Variants in TMPRSS6 observed in about 807,000 individuals in gnomAD.
The protein encoded by TMPRSS6 is transmembrane protease serine 6.
Under a neutral mutation model 101.5 loss-of-function variants are expected in TMPRSS6, and 67 were observed. That is an observed-to-expected ratio of 0.66 (90% CI 0.54 to 0.81). TMPRSS6 has a LOEUF of 0.81. TMPRSS6 is among the 30% of genes least tolerant of loss of function. The pLI, the probability that TMPRSS6 is intolerant of heterozygous loss-of-function variation, is 0.00. For synonymous variants in TMPRSS6, 453 were observed against 464.9 expected (o/e 0.97, Z 0.33); for missense variants, 1,034 against 1,088.7 (o/e 0.95, Z 0.71).
At chr22:37,097,833 C>T (rs1437087436) in intron 3 of TMPRSS6, among the ~76,000 whole-genome samples, 2 of 112,286 alleles carry the variant, frequency 1.8e-5, no homozygotes, top group Non-Finnish European at 3.7e-5. Flanking sequence ...CGTCCTGTAA[C>T]GGAGGGGGAA....
At position 37,084,793 on chromosome 22, in the gene TMPRSS6, G is replaced by GC; in HGVS notation, c.1019dup (p.Val341ArgfsTer35). On this transcript the variant is annotated frameshift_variant, in exon 9 of 18. Coordinates refer to ENST00000676104, the MANE Select transcript of TMPRSS6 (RefSeq NM_001374504.1). LOFTEE classifies it high-confidence loss of function. ...TGGGGAAGTACGGGGTGCTGAGGAC[G>GC]CCCTGGGAGTCGAGCCTGTTGTCCA... is the stretch of plus-strand genomic sequence containing the variant. 2 of 1,564,526 alleles carry GC rather than the reference G, an allele frequency of 1.3e-6. No homozygotes were observed. The highest frequency in any genetic ancestry group is 1.7e-6 in the Non-Finnish European group (2 of 1,153,878).
At position 37,070,952 on chromosome 22, in the gene TMPRSS6, G is replaced by A. The variant is rs78174698; in HGVS notation, c.1636C>T (p.Pro546Ser). The change falls in exon 14 of 18, where the codon CCC becomes TCC. Residue 546 changes from proline (P) to serine (S), a missense_variant. Transcript: ENST00000676104. ...KKPNPQCDGR[P>S]DCRDGSDEEH... is the part of the protein sequence containing the mutation. ...TCATCCGAGCCGTCCCTGCAGTCGG[G>A]CCGCCCATCACACTGCGGGTTGGGC... The A allele has an allele frequency of 5.9e-3, 9,551 of 1,613,282 alleles. 412 individuals are homozygous for A. In the South Asian group the frequency reaches 0.084, roughly 14 times the overall value.
intron 6 of TMPRSS6, among the ~76,000 whole-genome samples, chr22:37,092,019 C>T (rs1929309074): frequency 6.6e-6 from 1 of 152,070 alleles, no homozygotes; most frequent in Non-Finnish European, 1.5e-5. Context: ...ATGGCTGGCT[C>T]TTCCTAGGGT....
At chr22:37,095,854 G>T in intron 5 of TMPRSS6, 52 bp downstream of exon 5, 3 of 1,607,874 alleles carry the variant, frequency 1.9e-6, no homozygotes, top group Non-Finnish European at 2.6e-6. Context: ...ACCACAGCTT[G>T]TTTCCCCCAA....
At chr22:37,071,553 T>C (rs1030297433) in intron 13 of TMPRSS6, among the ~76,000 whole-genome samples, 1 of 152,234 alleles carries the variant, frequency 6.6e-6, no homozygotes, top group Non-Finnish European at 1.5e-5. Context: ...ACCTCCTCCC[T>C]GCCCTCCAAT....
At chr22:37,087,751 A>T (rs1928904378) in intron 7 of TMPRSS6, among the ~76,000 whole-genome samples, 2 of 151,958 alleles carry the variant, frequency 1.3e-5, no homozygotes, top group Non-Finnish European at 2.9e-5. Flanking sequence ...GGGAGATACG[A>T]TATTAGGATG....
Position 37,097,656 on chromosome 22 carries a change from AGTG to A in TMPRSS6, c.336+757_336+759del, listed in dbSNP as rs1470018348. On this transcript the variant is annotated intron_variant, in intron 3 of 17. Transcript: ENST00000676104. Reference sequence around the variant, plus strand: ...CACCATCCTGTAACAGAGGGGCAGGAGTGGCCACCGTCCTGTAACGGAGGGGCA... The same window carrying A: ...CACCATCCTGTAACAGAGGGGCAGGAGCCACCGTCCTGTAACGGAGGGGCA... 1.7e-4 allele frequency among the ~76,000 whole-genome samples: 26 copies of A among 151,310 alleles called. 3 individuals carry two copies. The highest frequency in any genetic ancestry group is 4.2e-4 in the South Asian group (2 of 4,788).
intron 10 of TMPRSS6, among the ~76,000 whole-genome samples, chr22:37,080,934 G>A (rs994028918): frequency 2.0e-5 from 3 of 152,262 alleles, no homozygotes; most frequent in Non-Finnish European, 2.9e-5. Flanking sequence ...GCACGTACAC[G>A]TGCACAGACA....
chr22:37,081,411 C>CT (rs1489825490), intron 10 of TMPRSS6, among the ~76,000 whole-genome samples: 5 of 152,220 alleles, frequency 3.3e-5, no homozygotes, highest in Non-Finnish European at 4.4e-5. Context: ...CACTTAAGCG[C>CT]TTTCCACCTC....
intron 6 of TMPRSS6, 62 bp from the exon 7 acceptor site, chr22:37,089,844 G>A: frequency 1.3e-6 from 2 of 1,541,308 alleles, no homozygotes; most frequent in Non-Finnish European, 1.8e-6. Flanking sequence ...GGACCCTGGG[G>A]AGCCAGGTCC....
At chr22:37,090,122 G>T (rs1007840102) in intron 6 of TMPRSS6, among the ~76,000 whole-genome samples, 2 of 152,230 alleles carry the variant, frequency 1.3e-5, no homozygotes, top group African/African-American at 4.8e-5. Flanking sequence ...GGAGGTGACG[G>T]CTTCAAACCC....
intron 10 of TMPRSS6, chr22:37,082,836 G>C (rs543697197): frequency 5.1e-6 from 2 of 395,350 alleles, no homozygotes; most frequent in African/African-American, 4.2e-5. Flanking sequence ...CATAGCCCTA[G>C]ATCATGCCAT....
rs972621077 is a variant in TMPRSS6 at position 37,069,660 on chromosome 22, C to T, written c.1842-316G>A. Reference sequence around the variant, plus strand: ...ATGTTCTTGAGAGAATCCAATAAGACCGTGTATCTAAAAAATGTAGCACAG... The same window carrying T: ...ATGTTCTTGAGAGAATCCAATAAGATCGTGTATCTAAAAAATGTAGCACAG... On this transcript the variant is annotated intron_variant, in intron 15 of 17. Transcript: ENST00000676104. The surrounding 1 kb of genome is among the most constrained non-coding windows in gnomAD (Gnocchi z 4.8). Among the ~76,000 whole-genome samples, 1 of 152,204 alleles carries T rather than the reference C, an allele frequency of 6.6e-6. No homozygotes were observed. The highest frequency in any genetic ancestry group is 1.5e-5 in the Non-Finnish European group (1 of 68,038).
chr22:37,075,052 GC>G (rs1927497077), intron 11 of TMPRSS6, 82 bp downstream of exon 11: 2 of 1,603,280 alleles, frequency 1.2e-6, no homozygotes, highest in Non-Finnish European at 1.7e-6. Context: ...ATAAGCAGCT[GC>G]CCACAGCCCC....
In TMPRSS6 at chr22:37,109,647, C is replaced by G. The variant is rs1010540707; in HGVS notation, c.-146G>C. The stretch of plus-strand genomic sequence containing the variant: ...CATGACCAGGGTGTCTGGCCCTTGT[C>G]CCCTGTGGCCTGTGGCCTCAGGCTC... On this transcript the variant is annotated 5_prime_UTR_variant, in exon 1 of 18. Coordinates refer to ENST00000676104, the MANE Select transcript of TMPRSS6 (RefSeq NM_001374504.1). 1 of 152,298 alleles carries G rather than the reference C, an allele frequency of 6.6e-6. No individual in the cohort carries two copies. Among genetic ancestry groups the G allele is most frequent in the Admixed American group, 6.5e-5 (1 of 15,288 alleles). 9.4% of individuals were successfully genotyped at this position (152,298 alleles called of 1,614,324 possible).
At chr22:37,079,927 C>T (rs1036353276) in intron 10 of TMPRSS6, 2 of 152,336 alleles carry the variant, frequency 1.3e-5, no homozygotes, top group Non-Finnish European at 2.9e-5. Flanking sequence ...ACACAAGGGC[C>T]ACCCCATAGC....
chr22:37,099,719 C>T (rs547068814), intron 2 of TMPRSS6, among the ~76,000 whole-genome samples: 3 of 152,220 alleles, frequency 2.0e-5, no homozygotes, highest in African/African-American at 4.8e-5. Flanking sequence ...GGGCATGGGA[C>T]GGGCTGCGAT....
At chr22:37,074,866 A>G (rs532005335) in intron 11 of TMPRSS6, among the ~76,000 whole-genome samples, 158 bp from the exon 12 acceptor site, 1 of 152,372 alleles carries the variant, frequency 6.6e-6, no homozygotes, top group East Asian at 1.9e-4. Flanking sequence ...CAGTCCAAGC[A>G]GACATACATA....
chr22:37,089,662 C>T lies in TMPRSS6; in HGVS notation c.752G>A (p.Arg251Gln), dbSNP rs749277509. The T allele has an allele frequency of 1.1e-5, 17 of 1,612,774 alleles. No homozygotes were observed. The East Asian group carries it at 2.2e-4, about 21-fold the overall frequency. ...QGPKDLMLKL[R>Q]LEWTLAECRD... ...GCACTCTGCCAGCGTCCACTCCAGC[C>T]GGAGTTTGAGCATGAGGTCCTTGGG... Residue 251 changes from arginine to glutamine, a missense_variant, in exon 7 of 18, where the codon CGG (arginine) becomes CAG (glutamine). By Grantham distance (43) the Arg-to-Gln change is conservative (BLOSUM62 1). Coordinates refer to ENST00000676104, the MANE Select transcript of TMPRSS6 (RefSeq NM_001374504.1).
Sources: gnomAD v4.1 joint callset for allele counts (sites outside exome capture counted in the v4.1 genomes callset) on GRCh38, gnomAD v4.1.1 for gene constraint, Gnocchi (gnomAD v3.1) non-coding constraint, MANE v1.5 for transcripts, NCBI Gene and HGNC (gene_info 2026-07-23, HGNC 2026-07-21) for gene names.